Variants in SLC25A48 observed in about 807,000 individuals in gnomAD.
SLC25A48 encodes solute carrier family 25 member 48.
Under a neutral mutation model 32.2 loss-of-function variants are expected in SLC25A48, and 29 were observed. The ratio of observed to expected loss-of-function variants is 0.90; its 90% CI spans 0.67 to 1.23. The LOEUF is 1.23. Ranked by LOEUF, SLC25A48 falls within the 50% of genes most tolerant of loss-of-function variation. The pLI, the probability that SLC25A48 is intolerant of heterozygous loss-of-function variation, is 0.00. For synonymous variants in SLC25A48, 164 were observed against 172.3 expected (o/e 0.95, Z 0.38); for missense variants, 399 against 422.7 (o/e 0.94, Z 0.49).
At chr5:135,835,903 C>A (rs971848079) in intron 1 of SLC25A48, among the ~76,000 whole-genome samples, 13 of 152,110 alleles carry the variant, frequency 8.5e-5, no homozygotes, top group African/African-American at 1.4e-4. Context: ...CCTTCCTGAG[C>A]AGAGGTGGCT....
chr5:135,739,761 C>T (rs576607727), intron 3 of SLC25A48, among the ~76,000 whole-genome samples: 1 of 152,200 alleles, frequency 6.6e-6, no homozygotes, highest in Admixed American at 6.5e-5. Flanking sequence ...GGAAAACACA[C>T]ATTCCTAAAT....
At chr5:135,600,204 C>T (rs530019955) in intron 1 of SLC25A48, among the ~76,000 whole-genome samples, 9 of 152,308 alleles carry the variant, frequency 5.9e-5, no homozygotes, top group Admixed American at 2.6e-4. Context: ...AGGGCCTTCA[C>T]GGCTCTGATG....
intron 3 of SLC25A48, among the ~76,000 whole-genome samples, chr5:135,745,347 T>C (rs1755614902): frequency 6.6e-6 from 1 of 152,156 alleles, no homozygotes; most frequent in Non-Finnish European, 1.5e-5. Context: ...CCTTGAGCGG[T>C]TTTCCACCCA....
At chr5:135,678,619 T>C (rs1353175410) in intron 3 of SLC25A48, among the ~76,000 whole-genome samples, 2 of 152,240 alleles carry the variant, frequency 1.3e-5, no homozygotes, top group African/African-American at 4.8e-5. Flanking sequence ...TGTCCTTACA[T>C]TGATATCTGC....
intron 1 of SLC25A48, among the ~76,000 whole-genome samples, chr5:135,597,326 A>T (rs1160107702): frequency 6.6e-6 from 1 of 152,200 alleles, no homozygotes; most frequent in Non-Finnish European, 1.5e-5. Flanking sequence ...CAGGGTGGCC[A>T]CTGATGGGCC....
chr5:135,648,578 A>T (rs1158199473), intron 3 of SLC25A48: 1 of 152,216 alleles, frequency 6.6e-6, no homozygotes, highest in Admixed American at 6.5e-5. Context: ...ACTAAGTGCC[A>T]TGTGAGCCTG....
chr5:135,768,009 C>T (rs1280555377), intron 3 of SLC25A48, among the ~76,000 whole-genome samples: 1 of 145,434 alleles, frequency 6.9e-6, no homozygotes, highest in African/African-American at 2.6e-5. Context: ...TGTACACACC[C>T]TTGTGATAAT....
chr5:135,819,690 A>T (rs1757829130), intron 4 of SLC25A48, among the ~76,000 whole-genome samples: 1 of 152,228 alleles, frequency 6.6e-6, no homozygotes, highest in Admixed American at 6.5e-5. Context: ...TGAGGTGTGT[A>T]CATATGTGAA....
At chr5:135,777,190 C>T (rs1343890523) in intron 3 of SLC25A48, among the ~76,000 whole-genome samples, 3 of 151,294 alleles carry the variant, frequency 2.0e-5, no homozygotes, top group Non-Finnish European at 4.4e-5. Context: ...AATATCCAGG[C>T]GGGGAGAAAA....
chr5:135,813,873 A>G lies in SLC25A48; in HGVS notation c.-117+947A>G, dbSNP rs906687101. 5.3e-4 allele frequency among the ~76,000 whole-genome samples: 81 copies of G among 152,210 alleles called. 1 individual carries two copies. The highest frequency in any genetic ancestry group is 3.2e-3 in the Admixed American group (49 of 15,284). The stretch of plus-strand genomic sequence containing the variant: ...GGAACAAAGGCACTTGATGTGCCCC[A>G]CAGAGCAACTGCACCAACCCCCAAG... On this transcript the variant is annotated intron_variant, in intron 4 of 10. Transcript: ENST00000646290.
intron 3 of SLC25A48, among the ~76,000 whole-genome samples, chr5:135,691,852 G>C (rs555652962): frequency 5.9e-5 from 9 of 152,306 alleles, no homozygotes; most frequent in African/African-American, 2.2e-4. Context: ...CTCTGACACA[G>C]TTGCTGAACA....
intron 3 of SLC25A48, among the ~76,000 whole-genome samples, chr5:135,765,966 C>A (rs914442245): frequency 1.3e-5 from 2 of 151,286 alleles, no homozygotes; most frequent in Non-Finnish European, 2.9e-5. Context: ...TGCATACATC[C>A]CCCCGTGATA....
chr5:135,622,877 T>A (rs1752358835), intron 1 of SLC25A48, among the ~76,000 whole-genome samples: 1 of 152,222 alleles, frequency 6.6e-6, no homozygotes, highest in South Asian at 2.1e-4. Flanking sequence ...CTGGATTTAA[T>A]AGATCAGTGA....
chr5:135,715,575 C>A (rs1030149678), intron 3 of SLC25A48, among the ~76,000 whole-genome samples: 1 of 152,170 alleles, frequency 6.6e-6, no homozygotes, highest in Non-Finnish European at 1.5e-5. Context: ...AGGCTGTGAC[C>A]GGTCAGAGGT....
intron 3 of SLC25A48, among the ~76,000 whole-genome samples, chr5:135,727,988 G>T (rs1755128664): frequency 6.6e-6 from 1 of 152,110 alleles, no homozygotes; most frequent in African/African-American, 2.4e-5. Context: ...GTGCACGGTG[G>T]CTCACACCTG....
At position 135,675,736 on chromosome 5, in the gene SLC25A48, A is replaced by C. The variant is rs113391250; in HGVS notation, c.-521+40780A>C. ...AGGGTTACGTTTTAGAATTCTGCCCAAAGTGACATTTGTATTTTGATAGGG... is the reference window on the plus strand; with the variant it reads ...AGGGTTACGTTTTAGAATTCTGCCCCAAGTGACATTTGTATTTTGATAGGG... On this transcript the variant is annotated intron_variant, in intron 3 of 10. Coordinates refer to the SLC25A48 transcript ENST00000646290. 6.2e-3 allele frequency among the ~76,000 whole-genome samples: 941 copies of C among 152,160 alleles called. 10 individuals are homozygous for C. The highest frequency in any genetic ancestry group is 0.021 in the African/African-American group (870 of 41,564).
intron 3 of SLC25A48, among the ~76,000 whole-genome samples, chr5:135,805,301 G>A (rs1341945231): frequency 6.6e-6 from 1 of 151,062 alleles, no homozygotes; most frequent in Non-Finnish European, 1.5e-5. Context: ...TGTACACATT[G>A]TGTGTACACC....
At chr5:135,724,119 T>C (rs370960668) in intron 3 of SLC25A48, among the ~76,000 whole-genome samples, 5 of 152,348 alleles carry the variant, frequency 3.3e-5, no homozygotes, top group African/African-American at 1.2e-4. Context: ...CAACGGGAAT[T>C]CAATTTGTTC....
intron 3 of SLC25A48, among the ~76,000 whole-genome samples, chr5:135,731,803 C>T (rs1755231071): frequency 6.6e-6 from 1 of 152,234 alleles, no homozygotes; most frequent in Non-Finnish European, 1.5e-5. Flanking sequence ...TATTTATTTA[C>T]TTTAAGAGGG....
Sources: gnomAD v4.1 joint callset for allele counts (sites outside exome capture counted in the v4.1 genomes callset) on GRCh38, gnomAD v4.1.1 for gene constraint, MANE v1.5 for transcripts, NCBI Gene and HGNC (gene_info 2026-07-23, HGNC 2026-07-21) for gene names.